ATOSA: variants seen among roughly 807,000 people sequenced by gnomAD.
The protein encoded by ATOSA is atos homolog protein A.
chr15:52,634,750 T>A, the ATOSA span, among the ~76,000 whole-genome samples: 1 of 151,930 alleles, frequency 6.6e-6, no homozygotes, highest in Non-Finnish European at 1.5e-5. Context: ...TACAGGCACA[T>A]GCCACCATGC....
chr15:52,607,248 A>G, the ATOSA span, among the ~76,000 whole-genome samples: 3 of 152,196 alleles, frequency 2.0e-5, no homozygotes, highest in Non-Finnish European at 4.4e-5. Context: ...ACACTTTGAA[A>G]GTCATTAACT....
chr15:52,597,233 C>T, the ATOSA span, among the ~76,000 whole-genome samples: 95 of 48,718 alleles, frequency 1.9e-3, 3 homozygotes, highest in African/African-American at 3.8e-3. Context: ...CTATTCTATT[C>T]TATTCTATTC....
chr15:52,611,036 C>G, the ATOSA span: 4 of 1,358,048 alleles, frequency 2.9e-6, no homozygotes, highest in Non-Finnish European at 3.9e-6. Flanking sequence ...TTTAGAATTG[C>G]AGGAAATAAT....
chr15:52,685,162 A>C, the ATOSA span, among the ~76,000 whole-genome samples: 165 of 152,352 alleles, frequency 1.1e-3, 1 homozygote, highest in African/African-American at 3.4e-3. Flanking sequence ...GACATTTGAA[A>C]ATCAGTCATG....
chr15:52,638,641 C>A, the ATOSA span, among the ~76,000 whole-genome samples: 11 of 145,110 alleles, frequency 7.6e-5, no homozygotes, highest in Non-Finnish European at 1.5e-5. Context: ...GCGGAGGTTG[C>A]AGTGAGTTAA....
the ATOSA span, among the ~76,000 whole-genome samples, chr15:52,625,330 AAG>A: frequency 2.0e-5 from 3 of 152,128 alleles, no homozygotes; most frequent in African/African-American, 7.2e-5. Flanking sequence ...AAGTGTGAAA[AAG>A]AGTGACCACG....
the ATOSA span, among the ~76,000 whole-genome samples, chr15:52,666,465 T>C: frequency 2.0e-5 from 3 of 152,326 alleles, no homozygotes; most frequent in South Asian, 6.2e-4. Flanking sequence ...ATCTTGTATA[T>C]AGGGAGTTCA....
the ATOSA span, among the ~76,000 whole-genome samples, chr15:52,590,977 G>A: frequency 2.6e-5 from 4 of 152,264 alleles, no homozygotes; most frequent in East Asian, 1.9e-4. Context: ...AATCATCTGC[G>A]TGTACATCTC....
the ATOSA span, among the ~76,000 whole-genome samples, chr15:52,620,013 G>A: frequency 6.6e-6 from 1 of 152,124 alleles, no homozygotes; most frequent in African/African-American, 2.4e-5. Context: ...AATGAGGATT[G>A]TGCTTGCACC....
At chr15:52,629,159 G>T in the ATOSA span, among the ~76,000 whole-genome samples, 7 of 152,034 alleles carry the variant, frequency 4.6e-5, no homozygotes, top group Non-Finnish European at 7.4e-5. Context: ...TTAACTAAAG[G>T]TTTTTTAAAA....
the ATOSA span, among the ~76,000 whole-genome samples, chr15:52,655,489 C>G: frequency 2.0e-5 from 3 of 152,064 alleles, no homozygotes; most frequent in African/African-American, 7.2e-5. Flanking sequence ...GAAAGGAGGT[C>G]GAAAAGGACA....
the ATOSA span, among the ~76,000 whole-genome samples, chr15:52,663,402 G>A: frequency 6.6e-6 from 1 of 151,980 alleles, no homozygotes; most frequent in Non-Finnish European, 1.5e-5. Context: ...TTCTTTCTTG[G>A]ATTATATTTT....
At chr15:52,594,228 C>T in the ATOSA span, among the ~76,000 whole-genome samples, 2 of 152,088 alleles carry the variant, frequency 1.3e-5, no homozygotes, top group South Asian at 2.1e-4. Flanking sequence ...GAAATAATTG[C>T]TTCTCTTATA....
chr15:52,581,912 G>C, the ATOSA span: 1 of 366,816 alleles, frequency 2.7e-6, no homozygotes. Context: ...CTAACTGGGG[G>C]TTTTGCTATT....
chr15:52,709,202 A>C, the ATOSA span, among the ~76,000 whole-genome samples: 2 of 152,184 alleles, frequency 1.3e-5, no homozygotes, highest in Non-Finnish European at 2.9e-5. Flanking sequence ...TTCACCTCCC[A>C]AAACCCACGA....
the ATOSA span, chr15:52,582,031 A>T: frequency 1.4e-6 from 1 of 726,698 alleles, no homozygotes. Flanking sequence ...TTTCATAAAA[A>T]CTGGTCCAGG....
chr15:52,658,542 G>A, the ATOSA span: 1 of 389,014 alleles, frequency 2.6e-6, no homozygotes, highest in Non-Finnish European at 4.5e-6. Context: ...TAAACTGAGT[G>A]CCTCAATTGA....
the ATOSA span, among the ~76,000 whole-genome samples, chr15:52,643,507 T>C: frequency 6.7e-6 from 1 of 150,256 alleles, no homozygotes; most frequent in South Asian, 2.1e-4. Flanking sequence ...CAGACTGGTC[T>C]TGAACTCCTG....
the ATOSA span, among the ~76,000 whole-genome samples, chr15:52,592,765 G>C: frequency 6.6e-6 from 1 of 152,226 alleles, no homozygotes; most frequent in Non-Finnish European, 1.5e-5. Flanking sequence ...GTGGGCTGTA[G>C]GCCGGACAAG....
Sources: allele counts gnomAD v4.1 joint callset (sites outside exome capture counted in the v4.1 genomes callset), GRCh38; gene constraint gnomAD v4.1.1; transcripts MANE v1.5; gene names NCBI Gene and HGNC (gene_info 2026-07-23, HGNC 2026-07-21).